DNAH6: variants seen among roughly 807,000 people sequenced by gnomAD.
The protein encoded by DNAH6 is dynein axonemal heavy chain 6, also known as axonemal beta dynein heavy chain 6.
DNAH6 carries 340 observed loss-of-function variants against 491.4 expected under a neutral mutation model. The observed-to-expected ratio is 0.69, with a 90% confidence interval of 0.63 to 0.76. The LOEUF is 0.76. DNAH6 is among the 30% of genes least tolerant of loss of function. The pLI is 0.00. For missense variants in DNAH6, 4,443 were observed against 4,972.2 expected, an observed-to-expected ratio of 0.89 and a Z score of 3.20; for synonymous variants, 1,603 against 1,686.1, an observed-to-expected ratio of 0.95 and a Z score of 1.21.
At chr2:84,643,617 T>G (rs1452406063) in intron 33 of DNAH6, among the ~76,000 whole-genome samples, 14 of 152,186 alleles carry the variant, frequency 9.2e-5, no homozygotes, top group East Asian at 1.9e-4. Context: ...ATCCTCAAGC[T>G]CAGAGATACT....
At chr2:84,502,168 C>T in the DNAH6 span, among the ~76,000 whole-genome samples, 3 of 152,196 alleles carry the variant, frequency 2.0e-5, no homozygotes, top group Non-Finnish European at 4.4e-5. Flanking sequence ...TAGCTATAAA[C>T]GTCCCTCTTG....
At chr2:84,780,031 A>T (rs978250026) in intron 64 of DNAH6, among the ~76,000 whole-genome samples, 2 of 152,134 alleles carry the variant, frequency 1.3e-5, no homozygotes, top group Non-Finnish European at 2.9e-5. Flanking sequence ...CGACCTTTGT[A>T]AGGGATCTGA....
At chr2:84,467,337 G>A in the DNAH6 span, among the ~76,000 whole-genome samples, 1 of 152,048 alleles carries the variant, frequency 6.6e-6, no homozygotes, top group South Asian at 2.1e-4. Flanking sequence ...ATATAAAACT[G>A]TTTCTTCAAG....
chr2:84,666,668 A>G (rs913662552), intron 37 of DNAH6, among the ~76,000 whole-genome samples: 1 of 152,204 alleles, frequency 6.6e-6, no homozygotes, highest in African/African-American at 2.4e-5. Flanking sequence ...AAATGGCCAT[A>G]CTGCCCAAGG....
chr2:84,493,335 A>G, the DNAH6 span, among the ~76,000 whole-genome samples: 1 of 152,340 alleles, frequency 6.6e-6, no homozygotes, highest in Non-Finnish European at 1.5e-5. Flanking sequence ...ACTTAGCAGT[A>G]TATTGAGTAT....
chr2:84,504,464 A>G, the DNAH6 span, among the ~76,000 whole-genome samples: 1 of 152,092 alleles, frequency 6.6e-6, no homozygotes, highest in African/African-American at 2.4e-5. Context: ...TGTTGATGCT[A>G]GTACGTGTTC....
At chr2:84,540,840 A>G (rs1166274221) in intron 4 of DNAH6, among the ~76,000 whole-genome samples, 1 of 152,094 alleles carries the variant, frequency 6.6e-6, no homozygotes, top group Non-Finnish European at 1.5e-5. Flanking sequence ...CACTACATAT[A>G]TTTTTTGCAA....
intron 71 of DNAH6, among the ~76,000 whole-genome samples, chr2:84,807,711 C>G (rs1573871041): frequency 1.3e-5 from 2 of 152,164 alleles, no homozygotes; most frequent in East Asian, 1.9e-4. Flanking sequence ...ACCACTGAAG[C>G]CTTCAGGGCT....
chr2:84,705,685 G>A lies in DNAH6; in HGVS notation c.8665G>A (p.Asp2889Asn). The A allele has an allele frequency of 6.4e-7, 1 of 1,551,730 alleles. No individual in the cohort carries two copies. Among genetic ancestry groups the A allele is most frequent in the Middle Eastern group, 1.7e-4 (1 of 5,994 alleles). ...KSMCMWVRAM[D>N]LYSRVVKVVE... is the part of the protein sequence containing the mutation. ...TATGTGCATGTGGGTAAGAGCTATG[G>A]ATTTGTACTCTCGAGTGGTCAAGGT... The change falls in exon 52 of 77, where the codon GAT becomes AAT. Residue 2889 changes from aspartate to asparagine, a missense_variant. Physicochemically the swap from Asp to Asn is conservative, Grantham distance 23. This residue lies in a region of DNAH6 where 1,463 missense variants were observed against 1,656.6 expected (regional missense o/e 0.88). Coordinates refer to ENST00000389394, the MANE Select transcript of DNAH6 (RefSeq NM_001370.2).
intron 76 of DNAH6, among the ~76,000 whole-genome samples, chr2:84,818,221 A>C (rs78350661): frequency 0.024 from 3,669 of 152,264 alleles, 142 homozygotes; most frequent in African/African-American, 0.084. Flanking sequence ...AAAGACAATC[A>C]GACATAATGT....
rs1690663976 is a variant in DNAH6, at chr2:84,653,587, T to C, written c.5347T>C (p.Tyr1783His). Residue 1783 changes from tyrosine (Y) to histidine (H), a missense_variant, in exon 34 of 77, where the codon TAC becomes CAC. Coordinates refer to ENST00000389394, the MANE Select transcript of DNAH6 (RefSeq NM_001370.2). The part of the protein sequence containing the change: ...LQKLGIENSF[Y>H]QAVKTYVLNP... ...AAAACTTGGGATAGAAAATTCCTTT[T>C]ACCAAGCAGTTAAAACATATGTTCT... 1 of 1,551,370 alleles carries C rather than the reference T, an allele frequency of 6.4e-7. No homozygotes were observed. Among genetic ancestry groups the C allele is most frequent in the Non-Finnish European group, 8.7e-7 (1 of 1,146,726 alleles).
intron 16 of DNAH6, among the ~76,000 whole-genome samples, chr2:84,589,711 CAAA>C (rs1301777970): frequency 5.1e-5 from 3 of 58,316 alleles, no homozygotes; most frequent in African/African-American, 5.9e-5. Context: ...GACCCTGTCT[CAAA>C]AAAAAAAAAA....
Position 84,595,742 on chromosome 2 carries a change from A to G in DNAH6, c.2821A>G (p.Ser941Gly), listed in dbSNP as rs1181383048. The G allele has an allele frequency of 1.7e-5, 26 of 1,550,888 alleles. No homozygotes were observed. The highest frequency in any genetic ancestry group is 2.4e-5 in the East Asian group (1 of 40,928). The change falls in exon 18 of 77, where the codon AGT becomes GGT. Residue 941 changes from serine (S) to glycine (G), a missense_variant. By Grantham distance (56) the Ser-to-Gly change is moderately conservative (BLOSUM62 0). Coordinates refer to ENST00000389394, the MANE Select transcript of DNAH6 (RefSeq NM_001370.2). ...TQLEKGLPPN[S>G]VVPQLKYKVE... ...ACTGGAAAAAGGCTTGCCACCCAACAGTGTAGTGCCCCAGCTCAAATACAA... is the reference window on the plus strand; with the variant it reads ...ACTGGAAAAAGGCTTGCCACCCAACGGTGTAGTGCCCCAGCTCAAATACAA...
intron 41 of DNAH6, 108 bp from the exon 42 acceptor site, chr2:84,681,249 G>T (rs1693748102): frequency 2.1e-6 from 2 of 958,652 alleles, no homozygotes; most frequent in East Asian, 2.8e-5. Context: ...ACTTTGTGTT[G>T]GAATTTGGCT....
rs992640165 is a variant in DNAH6, at chr2:84,785,633, C to A, written c.10977C>A (p.Gly3659=). The A allele has an allele frequency of 3.9e-6, 6 of 1,543,968 alleles. No homozygotes were observed. The Admixed American group carries it at 6.1e-5, about 16-fold the overall frequency. The change falls in exon 67 of 77, where the codon GGC becomes GGA. Residue 3659 remains glycine (G), a synonymous_variant. Coordinates refer to ENST00000389394, the MANE Select transcript of DNAH6 (RefSeq NM_001370.2). ...SVKVTNEPPK[G]LRANIRRAFT... is the part of the protein sequence containing the mutation. ...AGGTGACCAATGAGCCTCCAAAAGG[C>A]TTACGTGCAAATATCAGACGAGCAT...
intron 42 of DNAH6, among the ~76,000 whole-genome samples, chr2:84,683,024 A>G (rs993238968): frequency 1.3e-5 from 2 of 152,098 alleles, no homozygotes; most frequent in East Asian, 1.9e-4. Flanking sequence ...GGGCCTGCCC[A>G]GGGACCGCTG....
In DNAH6 at chr2:84,785,708, A is replaced by G. The variant is rs1326652455; in HGVS notation, c.11052A>G (p.Lys3684=). Residue 3684 remains lysine (K), a synonymous_variant, in exon 67 of 77, where the codon AAA becomes AAG. Coordinates refer to ENST00000389394, the MANE Select transcript of DNAH6 (RefSeq NM_001370.2). ...SFFEENILGK[K]WRQIIFGICF... is the part of the protein sequence containing the mutation. ...TTGAAGAAAATATACTTGGAAAAAAATGGAGACAAATAATATTTGGCATTT... is the reference window on the plus strand; with the variant it reads ...TTGAAGAAAATATACTTGGAAAAAAGTGGAGACAAATAATATTTGGCATTT... 2 of 1,548,204 alleles carry G rather than the reference A, an allele frequency of 1.3e-6. No individual in the cohort carries two copies. Among genetic ancestry groups the G allele is most frequent in the Non-Finnish European group, 1.7e-6 (2 of 1,145,912 alleles).
At position 84,815,908 on chromosome 2, in the gene DNAH6, T is replaced by C. The variant is rs1280062413; in HGVS notation, c.12198T>C (p.Asp4066=). Residue 4066 remains aspartate, a synonymous_variant, in exon 76 of 77, where the codon GAT becomes GAC. Transcript: ENST00000389394. ...DGVLVHGMFM[D]ASRWDDKEMV... is the part of the protein sequence containing the mutation. ...TTCTTGTTCATGGGATGTTCATGGA[T>C]GCTTCTCGATGGGATGATAAGGAGA... 1.3e-6 allele frequency: 2 copies of C among 1,551,814 alleles called. No individual in the cohort carries two copies. The highest frequency in any genetic ancestry group is 1.7e-6 in the Non-Finnish European group (2 of 1,147,026).
chr2:84,623,411 T>G (rs914356255), intron 26 of DNAH6, among the ~76,000 whole-genome samples: 5 of 152,164 alleles, frequency 3.3e-5, no homozygotes, highest in African/African-American at 1.2e-4. Flanking sequence ...TACTACATTT[T>G]TAAAGAGTCA....
Sources: allele counts gnomAD v4.1 joint callset (sites outside exome capture counted in the v4.1 genomes callset), GRCh38; gene constraint gnomAD v4.1.1; regional missense constraint gnomAD v4.1.1; transcripts MANE v1.5; gene names NCBI Gene and HGNC (gene_info 2026-07-23, HGNC 2026-07-21).